Variants in MYOM1 observed in about 807,000 individuals in gnomAD.
MYOM1 encodes the protein myomesin 1, also known as myomesin-1.
MYOM1 carries 164 observed loss-of-function variants against 205.3 expected under a neutral mutation model. That is an observed-to-expected ratio of 0.80 (90% CI 0.70 to 0.91). The LOEUF (loss-of-function observed/expected upper bound fraction) is 0.91. MYOM1 is among the 40% of genes least tolerant of loss of function. The probability of loss-of-function intolerance (pLI) is 0.00; values close to 1 mark genes in which losing one functional copy is unlikely to be tolerated. For synonymous variants in MYOM1, 772 were observed against 789.4 expected (o/e 0.98, Z 0.37); for missense variants, 2,011 against 2,127.3 (o/e 0.95, Z 1.08).
At chr18:3,191,306 GCA>G (rs1432260240) in intron 3 of MYOM1, among the ~76,000 whole-genome samples, 1 of 152,200 alleles carries the variant, frequency 6.6e-6, no homozygotes, top group Non-Finnish European at 1.5e-5. Context: ...TTTTCCAGAA[GCA>G]CACTGTGAGT....
intron 34 of MYOM1, 87 bp downstream of exon 34, chr18:3,079,092 C>CA: frequency 7.1e-7 from 1 of 1,415,364 alleles, no homozygotes; most frequent in East Asian, 2.5e-5. Context: ...GGATTACAGG[C>CA]ATAAGCCACC....
intron 2 of MYOM1, among the ~76,000 whole-genome samples, chr18:3,201,112 T>C (rs1433842362): frequency 6.6e-6 from 1 of 152,138 alleles, no homozygotes; most frequent in Non-Finnish European, 1.5e-5. Context: ...AAGAATTCTA[T>C]ATCTGGCCGG....
intron 8 of MYOM1, among the ~76,000 whole-genome samples, chr18:3,170,966 T>C (rs2080548397): frequency 6.6e-6 from 1 of 152,208 alleles, no homozygotes; most frequent in African/African-American, 2.4e-5. Flanking sequence ...CTGACATTTA[T>C]TGAGTTCAAC....
At chr18:3,214,432 G>C (rs947148122) in intron 2 of MYOM1, among the ~76,000 whole-genome samples, 1 of 152,194 alleles carries the variant, frequency 6.6e-6, no homozygotes, top group African/African-American at 2.4e-5. Context: ...GAAGCTAAAA[G>C]AGACAATAAA....
Position 3,167,460 on chromosome 18 carries a change from T to C in MYOM1, c.1339+1357A>G, listed in dbSNP as rs556923070. 5.3e-5 allele frequency among the ~76,000 whole-genome samples: 8 copies of C among 152,366 alleles called. No individual in the cohort carries two copies. In the South Asian group the frequency reaches 1.7e-3, roughly 32 times the overall value. ...GTGCAATGGCGCAATCTTGGTTCAC[T>C]GCAACTTCTGCCTTCTGAGTTCAAG... is the stretch of plus-strand genomic sequence containing the variant. On this transcript the variant is annotated intron_variant, in intron 9 of 37. Transcript: ENST00000356443.
intron 32 of MYOM1, 28 bp from the exon 33 acceptor site, chr18:3,083,922 A>T: frequency 6.3e-7 from 1 of 1,574,844 alleles, no homozygotes; most frequent in Non-Finnish European, 8.6e-7. Flanking sequence ...CATATTTCAT[A>T]CATCTGCATG....
intron 4 of MYOM1, 87 bp from the exon 5 acceptor site, chr18:3,187,724 C>G (rs1394056843): frequency 1.1e-5 from 14 of 1,289,612 alleles, no homozygotes; most frequent in Non-Finnish European, 1.4e-5. Context: ...AAGTAGAAGG[C>G]AAAAGTTTTA....
intron 25 of MYOM1, among the ~76,000 whole-genome samples, chr18:3,097,451 TCTCA>T (rs1410050721): frequency 6.6e-6 from 1 of 152,186 alleles, no homozygotes; most frequent in Non-Finnish European, 1.5e-5. Context: ...TGTGACAGAT[TCTCA>T]CTCTGTCACC....
intron 8 of MYOM1, among the ~76,000 whole-genome samples, chr18:3,170,798 T>C (rs2080545707): frequency 6.6e-6 from 1 of 152,160 alleles, no homozygotes; most frequent in Non-Finnish European, 1.5e-5. Context: ...TATATGGAAG[T>C]TCACAAAAGT....
chr18:3,188,025 G>A (rs2080846212), intron 4 of MYOM1, among the ~76,000 whole-genome samples: 1 of 151,280 alleles, frequency 6.6e-6, no homozygotes, highest in East Asian at 2.0e-4. Flanking sequence ...TTTTAGTAGA[G>A]ATTTTAGGGG....
At chr18:3,116,971 C>T (rs1053174010) in intron 20 of MYOM1, among the ~76,000 whole-genome samples, 1 of 152,132 alleles carries the variant, frequency 6.6e-6, no homozygotes, top group Non-Finnish European at 1.5e-5. Flanking sequence ...ATCCTCTCAC[C>T]TTAGCCTTCT....
At chr18:3,212,659 C>T (rs1050395582) in intron 2 of MYOM1, among the ~76,000 whole-genome samples, 1 of 152,048 alleles carries the variant, frequency 6.6e-6, no homozygotes, top group Non-Finnish European at 1.5e-5. Context: ...ATGAAAATGC[C>T]CATCTTCTAT....
intron 5 of MYOM1, among the ~76,000 whole-genome samples, chr18:3,181,901 T>C (rs2080737940): frequency 6.6e-6 from 1 of 151,966 alleles, no homozygotes; most frequent in Non-Finnish European, 1.5e-5. Flanking sequence ...ACCCGGCTAA[T>C]TTTTGTACTT....
the MYOM1 span, among the ~76,000 whole-genome samples, chr18:3,245,559 T>C: frequency 6.6e-6 from 1 of 151,568 alleles, no homozygotes; most frequent in Non-Finnish European, 1.5e-5. Context: ...TTGAAGAACA[T>C]TTTATCGAGA....
chr18:3,223,073 G>T (rs1210056957), upstream of MYOM1, among the ~76,000 whole-genome samples: 1 of 152,056 alleles, frequency 6.6e-6, no homozygotes, highest in East Asian at 1.9e-4. Flanking sequence ...GTAGAGATGG[G>T]GTTTCACCAT....
chr18:3,238,612 A>G, the MYOM1 span, among the ~76,000 whole-genome samples: 2 of 152,182 alleles, frequency 1.3e-5, no homozygotes, highest in Non-Finnish European at 1.5e-5. Flanking sequence ...ACGGTACATT[A>G]GTTTTTTATT....
At chr18:3,115,535 C>T (rs921182037) in intron 21 of MYOM1, among the ~76,000 whole-genome samples, 2 of 152,150 alleles carry the variant, frequency 1.3e-5, no homozygotes, top group African/African-American at 4.8e-5. Flanking sequence ...ACTGTGCAAA[C>T]GCAGTGTGTA....
intron 30 of MYOM1, among the ~76,000 whole-genome samples, chr18:3,085,447 A>G (rs2079142535): frequency 6.6e-6 from 1 of 151,572 alleles, no homozygotes; most frequent in South Asian, 2.1e-4. Flanking sequence ...GATTTACAGA[A>G]TTGCCATCAA....
Position 3,191,887 on chromosome 18 carries a change from C to G in MYOM1, c.431+1931G>C, listed in dbSNP as rs111385915. On this transcript the variant is annotated intron_variant, in intron 3 of 37. Coordinates refer to ENST00000356443, the MANE Select transcript of MYOM1 (RefSeq NM_003803.4). ...ATTTTTTTGTATTTTTAGTAGAGACCGGGTTTCACCGTGTTAGCCAGGATG... is the reference window on the plus strand; with the variant it reads ...ATTTTTTTGTATTTTTAGTAGAGACGGGGTTTCACCGTGTTAGCCAGGATG... Among the ~76,000 whole-genome samples the G allele has an allele frequency of 7.5e-3, 1,137 of 151,880 alleles. 14 individuals are homozygous for G. Among genetic ancestry groups the G allele is most frequent in the African/African-American group, 0.025 (1,031 of 41,396 alleles).
Sources: allele counts gnomAD v4.1 joint callset (sites outside exome capture counted in the v4.1 genomes callset), GRCh38; gene constraint gnomAD v4.1.1; transcripts MANE v1.5; gene names NCBI Gene and HGNC (gene_info 2026-07-23, HGNC 2026-07-21).